RAB11B: variants seen among roughly 807,000 people sequenced by gnomAD.
RAB11B encodes the protein ras-related protein Rab-11B.
A neutral mutation model predicts 23.7 loss-of-function variants in RAB11B; 7 were observed. The observed-to-expected ratio is 0.29, with a 90% CI of 0.17 to 0.55. The LOEUF is 0.55. RAB11B is among the 20% of genes least tolerant of loss of function. The pLI, the probability that RAB11B is intolerant of heterozygous loss-of-function variation, is 0.93. For synonymous variants in RAB11B, 138 were observed against 132.0 expected, an observed-to-expected ratio of 1.05 and a Z score of -0.31; for missense variants, 189 against 320.0, an observed-to-expected ratio of 0.59 and a Z score of 3.12.
At chr19:8,397,893 T>C (rs1412524473) in intron 1 of RAB11B, among the ~76,000 whole-genome samples, 1 of 152,094 alleles carries the variant, frequency 6.6e-6, no homozygotes. Flanking sequence ...GGATGCCCCC[T>C]AACTCCCTGG....
rs568530219 is a variant in RAB11B, at chr19:8,403,910, T to C, written c.*352T>C. ...CGACTCTAGGGAGCGATTGCCTCCC[T>C]CCCTCCGTGACCGGGTGGCCCAGCC... On this transcript the variant is annotated 3_prime_UTR_variant, in exon 5 of 5. Coordinates refer to ENST00000328024, the MANE Select transcript of RAB11B (RefSeq NM_004218.4). 3.2e-4 allele frequency: 68 copies of C among 212,770 alleles called. No individual in the cohort carries two copies. The highest frequency in any genetic ancestry group is 1.6e-3 in the African/African-American group (68 of 43,364). 13.2% of individuals were successfully genotyped at this position (212,770 alleles called of 1,614,324 possible). A position where few individuals can be genotyped will look rare whatever the true frequency, so the allele number is the denominator to read the frequency against.
chr19:8,400,104 G>T (rs761127746), intron 2 of RAB11B, 46 bp downstream of exon 2: 9 of 1,591,960 alleles, frequency 5.7e-6, no homozygotes, highest in Non-Finnish European at 7.7e-6. Flanking sequence ...TCGGGGGCGT[G>T]GGCTTGCAGC....
intron 4 of RAB11B, 134 bp from the exon 5 acceptor site, chr19:8,403,279 C>T (rs1971452452): frequency 8.5e-7 from 1 of 1,174,270 alleles, no homozygotes; most frequent in Non-Finnish European, 1.2e-6. Context: ...CAGCCCCTGT[C>T]CTTGTTACCC....
chr19:8,400,276 A>G, intron 2 of RAB11B: 1 of 618,316 alleles, frequency 1.6e-6, no homozygotes, highest in Non-Finnish European at 2.8e-6. Flanking sequence ...CTGGGTACCA[A>G]GTGCAGTGAG....
chr19:8,393,486 G>T (rs1054975622), intron 1 of RAB11B, among the ~76,000 whole-genome samples: 2 of 152,218 alleles, frequency 1.3e-5, no homozygotes, highest in Admixed American at 6.5e-5. Flanking sequence ...GGCCTGCCTG[G>T]TGCTTCCCTT....
chr19:8,396,845 G>A lies in RAB11B; in HGVS notation c.41-3018G>A, dbSNP rs965984215. Among the ~76,000 whole-genome samples, 3 of 152,134 alleles carry A rather than the reference G, an allele frequency of 2.0e-5. No individual in the cohort carries two copies. The highest frequency in any genetic ancestry group is 7.2e-5 in the African/African-American group (3 of 41,412). On this transcript the variant is annotated intron_variant, in intron 1 of 4. Transcript: ENST00000328024. This position sits in a 1 kb window ranked among gnomAD's most constrained non-coding sequence, Gnocchi z 5.0. ...GGAGGTGCCCTGGCTCGGCACTCAC[G>A]GGCGCTCTCTGGTGGCTGCTGCAGG...
intron 1 of RAB11B, among the ~76,000 whole-genome samples, chr19:8,390,951 C>A (rs1293329521): frequency 2.4e-5 from 1 of 41,048 alleles, no homozygotes; most frequent in African/African-American, 1.0e-4. Context: ...GGGTGGGGCC[C>A]GGGAGAGGCG....
intron 1 of RAB11B, 57 bp from the exon 2 acceptor site, chr19:8,399,806 G>T: frequency 6.3e-7 from 1 of 1,575,072 alleles, no homozygotes; most frequent in Non-Finnish European, 8.7e-7. Flanking sequence ...CGGGAAGGTT[G>T]TGGGGGCAGT....
intron 1 of RAB11B, 159 bp downstream of exon 1, chr19:8,390,615 C>T: frequency 1.4e-6 from 1 of 727,354 alleles, no homozygotes; most frequent in Non-Finnish European, 1.9e-6. Context: ...CGGGCAGCAT[C>T]AGCTTCGGGC....
Position 8,403,749 on chromosome 19 carries a change from G to A in RAB11B, c.*191G>A. On this transcript the variant is annotated 3_prime_UTR_variant, in exon 5 of 5. Transcript: ENST00000328024. ...CGTCCTGCCCGGGGAAAAGCTAGAAGCCCCGGTTTGCTGCACCCATGAAAC... is the reference window on the plus strand; with the variant it reads ...CGTCCTGCCCGGGGAAAAGCTAGAAACCCCGGTTTGCTGCACCCATGAAAC... 2 of 781,704 alleles carry A rather than the reference G, an allele frequency of 2.6e-6. No individual in the cohort carries two copies. The highest frequency in any genetic ancestry group is 3.8e-6 in the Non-Finnish European group (2 of 529,002). 48.4% of individuals were successfully genotyped at this position (781,704 alleles called of 1,614,324 possible). A position where few individuals can be genotyped will look rare whatever the true frequency, so the allele number is the denominator to read the frequency against.
At position 8,396,432 on chromosome 19, in the gene RAB11B, G is replaced by A. The variant is rs1971396838; in HGVS notation, c.41-3431G>A. 6.6e-6 allele frequency among the ~76,000 whole-genome samples: 1 copy of A among 152,216 alleles called. No homozygotes were observed. The highest frequency in any genetic ancestry group is 2.4e-5 in the African/African-American group (1 of 41,438). ...GACTGGCAAAAGATAAATGCCACCT[G>A]ACAGGTGAGAGAGTGGCAAGAGTGA... On this transcript the variant is annotated intron_variant, in intron 1 of 4. Coordinates refer to ENST00000328024, the MANE Select transcript of RAB11B (RefSeq NM_004218.4). This position sits in a 1 kb window ranked among gnomAD's most constrained non-coding sequence, Gnocchi z 5.0.
At chr19:8,399,834 G>A in intron 1 of RAB11B, 29 bp from the exon 2 acceptor site, 3 of 1,604,786 alleles carry the variant, frequency 1.9e-6, no homozygotes, top group Non-Finnish European at 2.6e-6. Flanking sequence ...GGAGTGTGGG[G>A]ATTCACAGAA....
At chr19:8,394,156 T>C (rs890858) in intron 1 of RAB11B, among the ~76,000 whole-genome samples, 107,957 of 152,148 alleles carry the variant, frequency 0.71, 38,687 homozygotes, top group African/African-American at 0.73. Context: ...CAGGGACTGG[T>C]TGGGCAGCTC....
chr19:8,398,819 T>G (rs1042144032), intron 1 of RAB11B, among the ~76,000 whole-genome samples: 4 of 152,132 alleles, frequency 2.6e-5, no homozygotes, highest in Non-Finnish European at 5.9e-5. Flanking sequence ...AGAATCTCTG[T>G]TGCCTAGGCT....
chr19:8,402,657 GT>G, intron 4 of RAB11B, 92 bp downstream of exon 4: 1 of 1,094,874 alleles, frequency 9.1e-7, no homozygotes, highest in Non-Finnish European at 1.4e-6. Context: ...TCGTTTGCTT[GT>G]TTTTTTCTTT....
intron 1 of RAB11B, among the ~76,000 whole-genome samples, chr19:8,392,685 CTTTTTTTTTTT>C (rs74176644): frequency 1.5e-4 from 12 of 79,666 alleles, no homozygotes; most frequent in Non-Finnish European, 2.5e-4. Context: ...TTTTTCTTTT[CTTTTTTTTTTT>C]TTTTTTTTTT....
intron 1 of RAB11B, 88 bp downstream of exon 1, chr19:8,390,544 CA>C: frequency 1.5e-6 from 2 of 1,291,706 alleles, no homozygotes; most frequent in Non-Finnish European, 2.0e-6. Context: ...CCGCTGGGCC[CA>C]GGCCGGAGCC....
At chr19:8,402,691 T>G in intron 4 of RAB11B, 126 bp downstream of exon 4, 1 of 634,190 alleles carries the variant, frequency 1.6e-6, no homozygotes. Flanking sequence ...CAGGATGGAT[T>G]TTTGCTCTTT....
rs746281382 is a variant in RAB11B at position 8,402,128 on chromosome 19, C to A, written c.279C>A (p.Ile93=). The part of the protein sequence containing the change: ...GAVGALLVYD[I]AKHLTYENVE... ...TGGGCGCCCTGCTGGTGTACGACAT[C>A]GCCAAGCACCTGACCTATGAGAACG... The change falls in exon 3 of 5, where the codon ATC becomes ATA. Residue 93 remains isoleucine (I), a synonymous_variant. Transcript: ENST00000328024. 1.2e-6 allele frequency: 2 copies of A among 1,608,258 alleles called. No individual in the cohort carries two copies. Among genetic ancestry groups the A allele is most frequent in the Admixed American group, 3.4e-5 (2 of 59,286 alleles).
Sources: gnomAD v4.1 joint callset for allele counts (sites outside exome capture counted in the v4.1 genomes callset) on GRCh38, gnomAD v4.1.1 for gene constraint, Gnocchi (gnomAD v3.1) non-coding constraint, MANE v1.5 for transcripts, NCBI Gene and HGNC (gene_info 2026-07-23, HGNC 2026-07-21) for gene names.